The following RAF1 variants were observed in gnomAD, a reference collection of about 807,000 sequenced individuals.
RAF1 encodes the protein RAF proto-oncogene serine/threonine-protein kinase.
RAF1 carries 27 observed loss-of-function variants against 81.1 expected under a neutral mutation model. The observed-to-expected ratio is 0.33, with a 90% confidence interval of 0.25 to 0.46. The LOEUF (loss-of-function observed/expected upper bound fraction) is 0.46, where lower values mean the gene tolerates loss of function less well. RAF1 is among the 20% of genes least tolerant of loss of function. The probability of loss-of-function intolerance (pLI) is 1.00; values close to 1 mark genes in which losing one functional copy is unlikely to be tolerated. For missense variants in RAF1, 598 were observed against 826.0 expected (o/e 0.72, Z 3.38); for synonymous variants, 298 against 294.0 (o/e 1.01, Z -0.14).
intron 1 of RAF1, among the ~76,000 whole-genome samples, chr3:12,632,836 G>A (rs2059903637): frequency 6.6e-6 from 1 of 152,068 alleles, no homozygotes; most frequent in Admixed American, 6.6e-5. Flanking sequence ...CATCTGACGT[G>A]AAGAGGAAAA....
chr3:12,628,905 C>T (rs1474294623), intron 1 of RAF1, among the ~76,000 whole-genome samples: 1 of 151,986 alleles, frequency 6.6e-6, no homozygotes, highest in East Asian at 1.9e-4. Context: ...GTGTGAGCCA[C>T]CATGCTGGCT....
chr3:12,618,862 T>A, intron 1 of RAF1, 115 bp from the exon 2 acceptor site: 1 of 789,428 alleles, frequency 1.3e-6, no homozygotes, highest in Non-Finnish European at 2.1e-6. Flanking sequence ...TGATACCTCC[T>A]GCATTCATCA....
At chr3:12,626,380 G>A (rs988319280) in intron 1 of RAF1, among the ~76,000 whole-genome samples, 15 of 151,880 alleles carry the variant, frequency 9.9e-5, no homozygotes, top group South Asian at 2.1e-4. Flanking sequence ...TTGAGCCCAG[G>A]AGTTTAACAC....
At chr3:12,625,478 C>G (rs1417503674) in intron 1 of RAF1, among the ~76,000 whole-genome samples, 1 of 152,158 alleles carries the variant, frequency 6.6e-6, no homozygotes, top group East Asian at 1.9e-4. Context: ...GTACAGCAAT[C>G]TAATAGTATC....
chr3:12,585,002 G>A, intron 16 of RAF1, 21 bp from the exon 16 acceptor site: 1 of 1,614,038 alleles, frequency 6.2e-7, no homozygotes, highest in African/African-American at 1.3e-5. Context: ...GAAAACAGCT[G>A]AGCTAATGGG....
intron 1 of RAF1, among the ~76,000 whole-genome samples, chr3:12,633,534 A>G (rs1245165835): frequency 6.6e-6 from 1 of 151,708 alleles, no homozygotes; most frequent in African/African-American, 2.4e-5. Context: ...AAAATCCACA[A>G]TGAAAGAACT....
chr3:12,585,511 T>C (rs2058303722), intron 15 of RAF1, 170 bp downstream of exon 14: 1 of 905,044 alleles, frequency 1.1e-6, no homozygotes, highest in Non-Finnish European at 1.3e-6. Flanking sequence ...ACAGTGGTTC[T>C]GATCAACAGC....
Position 12,587,740 on chromosome 3 carries a change from A to C in RAF1, c.1431-103T>G. 3 of 960,156 alleles carry C rather than the reference A, an allele frequency of 3.1e-6. No homozygotes were observed. The South Asian group carries it at 4.0e-5, about 13-fold the overall frequency. 59.5% of individuals were successfully genotyped at this position (960,156 alleles called of 1,614,324 possible). A position where few individuals can be genotyped will look rare whatever the true frequency, so the allele number is the denominator to read the frequency against. ...GTAAAGCCACTGAAGGCCTGGCTCC[A>C]AGGAGTGTTACACACAGGGATAGAC... On this transcript the variant is annotated intron_variant, in intron 13 of 17. Transcript: ENST00000442415.
intron 1 of RAF1, among the ~76,000 whole-genome samples, chr3:12,633,032 T>C (rs755103511): frequency 2.4e-4 from 37 of 152,178 alleles, no homozygotes; most frequent in Non-Finnish European, 4.9e-4. Flanking sequence ...CTAAAATCTT[T>C]AGTTTCCCTT....
At chr3:12,634,440 C>T (rs1204473004) in intron 1 of RAF1, among the ~76,000 whole-genome samples, 1 of 151,996 alleles carries the variant, frequency 6.6e-6, no homozygotes, top group African/African-American at 2.4e-5. Context: ...CTTGAGCCAC[C>T]GCGCCTGGCC....
In RAF1 at chr3:12,603,548, G is replaced by C. The variant is rs2058929943; in HGVS notation, c.835-11C>G. 2.9e-6 allele frequency: 2 copies of C among 697,636 alleles called. No individual in the cohort carries two copies. 43.2% of individuals were successfully genotyped at this position (697,636 alleles called of 1,614,324 possible). A position where few individuals can be genotyped will look rare whatever the true frequency, so the allele number is the denominator to read the frequency against. On this transcript the variant is annotated splice_polypyrimidine_tract_variant and intron_variant, in intron 7 of 17. Transcript: ENST00000442415. ...ACTCAGGTTGTTATTCTAGTCCAAAGCAATGAGAAATAAAGAAGAATAAAG... is the reference window on the plus strand; with the variant it reads ...ACTCAGGTTGTTATTCTAGTCCAAACCAATGAGAAATAAAGAAGAATAAAG...
chr3:12,600,187 C>T lies in RAF1; in HGVS notation c.1015G>A (p.Ala339Thr), dbSNP rs749989518. 6.2e-7 allele frequency: 1 copy of T among 1,614,172 alleles called. No individual in the cohort carries two copies. The highest frequency in any genetic ancestry group is 1.1e-5 in the South Asian group (1 of 91,086). The change falls in exon 10 of 18, where the codon GCA becomes ACA. Residue 339 changes from alanine to threonine, a missense_variant. This residue lies in a region of RAF1 where 194 missense variants were observed against 202.7 expected (regional missense o/e 0.96). Coordinates refer to ENST00000442415, the MANE Select transcript of RAF1 (RefSeq NM_001354689.3). ...TTCTCCTGGGTCCCAGATACTGGTG[C>T]CCGCTCTCTTTGTGCTGGCACGGGG...
intron 1 of RAF1, among the ~76,000 whole-genome samples, chr3:12,626,022 T>C (rs925511348): frequency 1.3e-5 from 2 of 151,098 alleles, no homozygotes; most frequent in African/African-American, 4.9e-5. Context: ...TCCCAGCACT[T>C]TGGGAGGCTG....
At chr3:12,594,113 G>T (rs964127353) in intron 11 of RAF1, among the ~76,000 whole-genome samples, 5 of 152,152 alleles carry the variant, frequency 3.3e-5, no homozygotes, top group Non-Finnish European at 7.4e-5. Flanking sequence ...CTGTAGGAGA[G>T]AAAGAGGGAG....
chr3:12,609,502 C>T (rs1239255438), intron 3 of RAF1, among the ~76,000 whole-genome samples, 167 bp from the exon 4 acceptor site: 1 of 152,098 alleles, frequency 6.6e-6, no homozygotes, highest in African/African-American at 2.4e-5. Flanking sequence ...GGTATTATTT[C>T]TATCTGAAAA....
At chr3:12,642,495 G>C (rs1011100999) in intron 1 of RAF1, among the ~76,000 whole-genome samples, 3 of 150,534 alleles carry the variant, frequency 2.0e-5, no homozygotes, top group Non-Finnish European at 4.4e-5. Flanking sequence ...CTGGGCAACA[G>C]AGCGAGACTC....
At chr3:12,641,269 GAGTTAACT>G (rs952769074) in intron 1 of RAF1, among the ~76,000 whole-genome samples, 5 of 151,536 alleles carry the variant, frequency 3.3e-5, no homozygotes, top group Non-Finnish European at 5.9e-5. Flanking sequence ...AGTGAACAAT[GAGTTAACT>G]AGTTAACTGG....
intron 12 of RAF1, 21 bp from the exon 12 acceptor site, chr3:12,590,995 G>C: frequency 6.3e-7 from 1 of 1,583,216 alleles, no homozygotes; most frequent in Non-Finnish European, 8.6e-7. Context: ...GAGGGGAAGA[G>C]AGGAGAGGGA....
intron 1 of RAF1, 30 bp from the exon 2 acceptor site, chr3:12,618,777 T>C: frequency 6.4e-7 from 1 of 1,552,888 alleles, no homozygotes; most frequent in Non-Finnish European, 8.9e-7. Context: ...ATTGTAACTC[T>C]AGAACAAAAG....
Sources: allele counts gnomAD v4.1 joint callset (sites outside exome capture counted in the v4.1 genomes callset), GRCh38; gene constraint gnomAD v4.1.1; regional missense constraint gnomAD v4.1.1; transcripts MANE v1.5; gene names NCBI Gene and HGNC (gene_info 2026-07-23, HGNC 2026-07-21).